The following SIGLEC11 variants were observed in gnomAD, a reference collection of about 807,000 sequenced individuals.
The protein encoded by SIGLEC11 is sialic acid-binding Ig-like lectin 11.
In SIGLEC11, 47 loss-of-function variants were observed where a neutral mutation model predicts 61.2. The ratio of observed to expected loss-of-function variants is 0.77; its 90% CI spans 0.61 to 0.98. The LOEUF is 0.98. SIGLEC11 is among the 50% of genes least tolerant of loss of function. The pLI is 0.00. For missense variants in SIGLEC11, 610 were observed against 870.3 expected (o/e 0.70, Z 3.76); for synonymous variants, 278 against 373.1 (o/e 0.75, Z 2.94).
At position 49,949,250 on chromosome 19, in the gene SIGLEC11, T is replaced by C. The variant is rs908135772; in HGVS notation, c.*720A>G. 2 of 151,468 alleles carry C rather than the reference T, an allele frequency of 1.3e-5. No homozygotes were observed. Among genetic ancestry groups the C allele is most frequent in the African/African-American group, 2.4e-5 (1 of 41,208 alleles). The allele number at this position is 151,468 out of a possible 1,614,324, so 9.4% of individuals were successfully genotyped here. A position where few individuals can be genotyped will look rare whatever the true frequency, so the allele number is the denominator to read the frequency against. ...ATCCACCCACTTCAGCCTCCCAAAG[T>C]GTTGAGATTACAGGCGTGAGCCACC... On this transcript the variant is annotated 3_prime_UTR_variant, in exon 11 of 11. Transcript: ENST00000447370.
chr19:49,955,230 G>T lies in SIGLEC11; in HGVS notation c.1652-2836C>A, dbSNP rs796856732. 6.6e-6 allele frequency among the ~76,000 whole-genome samples: 1 copy of T among 151,326 alleles called. No individual in the cohort carries two copies. Among genetic ancestry groups the T allele is most frequent in the African/African-American group, 2.4e-5 (1 of 41,136 alleles). On this transcript the variant is annotated intron_variant, in intron 8 of 10. Transcript: ENST00000447370. The surrounding 1 kb of genome is among the most constrained non-coding windows in gnomAD (Gnocchi z 4.5). ...CAACAAGCGAGGCACCAAGCAGCTA[G>T]GCACACCAAGGGTTTAGTCCCTCTC...
At chr19:49,960,442 G>C (rs1442256369) in intron 2 of SIGLEC11, 21 bp from the exon 3 acceptor site, 3 of 1,596,358 alleles carry the variant, frequency 1.9e-6, no homozygotes, top group Non-Finnish European at 2.5e-6. Context: ...GACCGGGTGG[G>C]AGATTCTTGT....
rs139706382 is a variant in SIGLEC11, at chr19:49,958,682, G to T, written c.1324C>A (p.Leu442Met). The change falls in exon 7 of 11, where the codon CTG becomes ATG. Residue 442 changes from leucine to methionine, a missense_variant. By Grantham distance (15) the Leu-to-Met change is conservative. Transcript: ENST00000447370. ...CTGAGAGAGACGTGCTGGGAGCCCA[G>T]AGGGTGCTGAGCGTGGCAGGTGAAC... ...GEFTCHAQHPLGSQHVSLSLS... is the reference protein window; with the variant it reads ...GEFTCHAQHPMGSQHVSLSLS... 3.1e-6 allele frequency: 5 copies of T among 1,609,300 alleles called. No individual in the cohort carries two copies. In the African/African-American group the frequency reaches 6.7e-5, roughly 21 times the overall value.
intron 10 of SIGLEC11, among the ~76,000 whole-genome samples, chr19:49,950,678 C>T (rs1040605038): frequency 1.3e-5 from 2 of 152,160 alleles, no homozygotes; most frequent in Non-Finnish European, 2.9e-5. Flanking sequence ...TGGATATTCC[C>T]GGGGGAACTA....
Position 49,960,670 on chromosome 19 carries a change from G to C in SIGLEC11, c.342C>G (p.Cys114Trp), listed in dbSNP as rs139955018. 2.8e-4 allele frequency: 444 copies of C among 1,609,204 alleles called. No individual in the cohort carries two copies. Among genetic ancestry groups the C allele is most frequent in the Non-Finnish European group, 2.6e-4 (307 of 1,179,628 alleles). ...TCTGCGCGTCTCTGATCACCAAGGA[G>C]CAGCTCCCTTTGCCGGGATCCCCAG... The part of the protein sequence containing the change: ...QLTGDPGKGS[C>W]SLVIRDAQRE... Residue 114 changes from cysteine to tryptophan, a missense_variant, in exon 2 of 11, where the codon TGC (cysteine) becomes TGG (tryptophan). Cys to Trp is a radical substitution (Grantham distance 215). Coordinates refer to ENST00000447370, the MANE Select transcript of SIGLEC11 (RefSeq NM_052884.3).
In SIGLEC11 at chr19:49,949,797, G is replaced by T; in HGVS notation, c.*173C>A. ...GTTGAGGCTACAGTGAGCTGAGATT[G>T]CACCACTGGACTCTGGCCTGGAGGA... is the stretch of plus-strand genomic sequence containing the variant. On this transcript the variant is annotated 3_prime_UTR_variant, in exon 11 of 11. Coordinates refer to ENST00000447370, the MANE Select transcript of SIGLEC11 (RefSeq NM_052884.3). 1 of 570,718 alleles carries T rather than the reference G, an allele frequency of 1.8e-6. No individual in the cohort carries two copies. Among genetic ancestry groups the T allele is most frequent in the Non-Finnish European group, 2.6e-6 (1 of 384,492 alleles). The allele number at this position is 570,718 out of a possible 1,614,324, so 35.4% of individuals were successfully genotyped here.
In SIGLEC11 at chr19:49,958,779, G is replaced by C. The variant is rs747014469; in HGVS notation, c.1227C>G (p.Thr409=). The change falls in exon 7 of 11, where the codon ACC becomes ACG. Residue 409 remains threonine (T), a synonymous_variant. Transcript: ENST00000447370. ...GGTCTGAGGGCTGGGAGGGGCCCAC[G>C]GTCTGTCCCCACCGGGTCCAGCTCA... ...ARLSWTRWGQ[T]VGPSQPSDPG... The C allele has an allele frequency of 6.2e-7, 1 of 1,613,766 alleles. No homozygotes were observed. Among genetic ancestry groups the C allele is most frequent in the Admixed American group, 1.7e-5 (1 of 59,982 alleles).
At chr19:49,952,445 C>T (rs781219698) in intron 8 of SIGLEC11, 51 bp from the exon 9 acceptor site, 4 of 1,387,404 alleles carry the variant, frequency 2.9e-6, no homozygotes, top group East Asian at 2.3e-5. Context: ...TGAGACCCTC[C>T]TGCCCCTTCC....
intron 8 of SIGLEC11, among the ~76,000 whole-genome samples, chr19:49,956,390 A>T (rs960877862): frequency 1.3e-5 from 2 of 152,170 alleles, no homozygotes; most frequent in African/African-American, 2.4e-5. Context: ...TCTCTTCTTT[A>T]AATCACACCT....
At position 49,956,168 on chromosome 19, in the gene SIGLEC11, C is replaced by T. The variant is rs545002521; in HGVS notation, c.1651+2115G>A. Reference sequence around the variant, plus strand: ...CCACAAAATAATTTAACTGACTCTTCTCCCGAACCGACGCCCACAAGTTCA... The same window carrying T: ...CCACAAAATAATTTAACTGACTCTTTTCCCGAACCGACGCCCACAAGTTCA... On this transcript the variant is annotated intron_variant, in intron 8 of 10. Coordinates refer to ENST00000447370, the MANE Select transcript of SIGLEC11 (RefSeq NM_052884.3). 6.4e-4 allele frequency among the ~76,000 whole-genome samples: 97 copies of T among 152,310 alleles called. 1 individual carries two copies. The highest frequency in any genetic ancestry group is 3.4e-3 in the Middle Eastern group (1 of 294).
In SIGLEC11 at chr19:49,960,499, C is replaced by A; in HGVS notation, c.460+53G>T. On this transcript the variant is annotated intron_variant, in intron 2 of 10. Transcript: ENST00000447370. ...CCTCTCTGCTCAGCCCATAGCCTGT[C>A]CCCAGGGTCCCTCCCCAGTGTGACA... is the stretch of plus-strand genomic sequence containing the variant. The A allele has an allele frequency of 4.4e-6, 7 of 1,583,706 alleles. No individual in the cohort carries two copies. In the South Asian group the frequency reaches 6.9e-5, roughly 16 times the overall value.
chr19:49,958,226 C>A lies in SIGLEC11; in HGVS notation c.1651+57G>T, dbSNP rs920775888. 4 of 1,597,638 alleles carry A rather than the reference C, an allele frequency of 2.5e-6. No individual in the cohort carries two copies. The African/African-American group carries it at 5.4e-5, about 22-fold the overall frequency. On this transcript the variant is annotated intron_variant, in intron 8 of 10. Transcript: ENST00000447370. ...TCTCCCCACAACCTTGAACCTTCAT[C>A]TTTCTAGGATCCTGTCTCCTTTCTC...
intron 8 of SIGLEC11, among the ~76,000 whole-genome samples, chr19:49,954,362 C>G (rs1328146102): frequency 1.3e-5 from 2 of 152,076 alleles, no homozygotes; most frequent in East Asian, 1.9e-4. Context: ...AGTCTGACCC[C>G]GAAGGGAAGG....
At position 49,949,869 on chromosome 19, in the gene SIGLEC11, C is replaced by T. The variant is rs1297611484; in HGVS notation, c.*101G>A. 2.5e-6 allele frequency: 3 copies of T among 1,212,030 alleles called. No homozygotes were observed. The highest frequency in any genetic ancestry group is 3.2e-6 in the Non-Finnish European group (3 of 941,654). 75.1% of individuals were successfully genotyped at this position (1,212,030 alleles called of 1,614,324 possible). On this transcript the variant is annotated 3_prime_UTR_variant, in exon 11 of 11. Coordinates refer to ENST00000447370, the MANE Select transcript of SIGLEC11 (RefSeq NM_052884.3). ...AAAAAGTATAATCTTCAAACTCAAG[C>T]TCTTCATTGGGGATGGGGCTGAAAT...
intron 8 of SIGLEC11, among the ~76,000 whole-genome samples, chr19:49,957,727 C>G (rs1205648419): frequency 6.6e-6 from 1 of 152,206 alleles, no homozygotes; most frequent in Non-Finnish European, 1.5e-5. Context: ...TTTAGCCGGG[C>G]GCGGTGGCAC....
At chr19:49,957,208 A>G (rs1465918759) in intron 8 of SIGLEC11, among the ~76,000 whole-genome samples, 3 of 152,220 alleles carry the variant, frequency 2.0e-5, no homozygotes, top group Non-Finnish European at 4.4e-5. Flanking sequence ...ACGGCTCTGC[A>G]TAAATATCAA....
Position 49,951,799 on chromosome 19 carries a change from C to A in SIGLEC11, c.1830+92G>T. 1.8e-6 allele frequency: 2 copies of A among 1,142,456 alleles called. No homozygotes were observed. Among genetic ancestry groups the A allele is most frequent in the Non-Finnish European group, 2.4e-6 (2 of 824,334 alleles). The allele number at this position is 1,142,456 out of a possible 1,614,324, so 70.8% of individuals were successfully genotyped here. The stretch of plus-strand genomic sequence containing the variant: ...CAGGAGCAAAACCCTATTTGGGGCA[C>A]AATGATTCTGCAAGTCACCAAGAGG... On this transcript the variant is annotated intron_variant, in intron 10 of 10. Coordinates refer to ENST00000447370, the MANE Select transcript of SIGLEC11 (RefSeq NM_052884.3). The surrounding 1 kb of genome is among the most constrained non-coding windows in gnomAD (Gnocchi z 4.6).
chr19:49,951,901 G>C lies in SIGLEC11; in HGVS notation c.1820C>G (p.Pro607Arg). The change falls in exon 10 of 11, where the codon CCC becomes CGC. Residue 607 changes from proline (P) to arginine (R), a missense_variant. Pro to Arg is a moderately radical substitution (Grantham distance 103). Coordinates refer to ENST00000447370, the MANE Select transcript of SIGLEC11 (RefSeq NM_052884.3). This position sits in a 1 kb window ranked among gnomAD's most constrained non-coding sequence, Gnocchi z 4.6. Reference protein sequence around the residue: ...AEQDVPSTLGPISQGHQHECS... With the variant: ...AEQDVPSTLGRISQGHQHECS... ...AGGCTGGGCTCTCACCTGGGAGATG[G>C]GTCCCAGGGTGGAGGGCACGTCCTG... The C allele has an allele frequency of 6.2e-7, 1 of 1,601,900 alleles. No individual in the cohort carries two copies. Among genetic ancestry groups the C allele is most frequent in the South Asian group, 1.1e-5 (1 of 89,414 alleles).
chr19:49,956,172 C>T (rs1390518976), intron 8 of SIGLEC11, among the ~76,000 whole-genome samples: 6 of 152,186 alleles, frequency 3.9e-5, no homozygotes, highest in Admixed American at 3.3e-4. Flanking sequence ...ACTCTTCTCC[C>T]GAACCGACGC....
Sources: allele counts gnomAD v4.1 joint callset (sites outside exome capture counted in the v4.1 genomes callset), GRCh38; gene constraint gnomAD v4.1.1; non-coding constraint Gnocchi (gnomAD v3.1); transcripts MANE v1.5; gene names NCBI Gene and HGNC (gene_info 2026-07-23, HGNC 2026-07-21).